The following ANXA2 variants were observed in gnomAD, a reference collection of about 807,000 sequenced individuals.
The protein encoded by ANXA2 is annexin II.
Under a neutral mutation model 47.3 loss-of-function variants are expected in ANXA2, and 28 were observed. The observed-to-expected ratio is 0.59, with a 90% CI of 0.44 to 0.81. The LOEUF (loss-of-function observed/expected upper bound fraction) is 0.81, where lower values mean the gene tolerates loss of function less well. Among genes scored for constraint, ANXA2 ranks in the 40% least tolerant of loss-of-function variants. The pLI, the probability that ANXA2 is intolerant of heterozygous loss-of-function variation, is 0.00. For synonymous variants in ANXA2, 172 were observed against 155.5 expected (o/e 1.11, Z -0.79); for missense variants, 384 against 414.3 (o/e 0.93, Z 0.64).
At chr15:60,363,471 T>C (rs1303361066) in intron 4 of ANXA2, among the ~76,000 whole-genome samples, 1 of 152,174 alleles carries the variant, frequency 6.6e-6, no homozygotes, top group African/African-American at 2.4e-5. Context: ...CCACTGTGGC[T>C]ACAAGTGAAA....
intron 3 of ANXA2, chr15:60,374,716 G>C (rs2062754744): frequency 2.2e-6 from 1 of 455,946 alleles, no homozygotes; most frequent in Non-Finnish European, 4.4e-6. Flanking sequence ...TCACTACAAA[G>C]AAAATCTGTG....
intron 3 of ANXA2, among the ~76,000 whole-genome samples, chr15:60,376,703 C>A (rs899158438): frequency 2.7e-4 from 41 of 152,180 alleles, no homozygotes; most frequent in African/African-American, 9.2e-4. Context: ...TCTGTGAGAA[C>A]AGCCTTCGTG....
intron 2 of ANXA2, chr15:60,383,972 C>G (rs1362735171): frequency 6.6e-6 from 1 of 152,154 alleles, no homozygotes; most frequent in Admixed American, 6.5e-5. Context: ...CAAATGTTTC[C>G]AAACGCACTT....
At chr15:60,375,104 G>C (rs2062759485) in intron 3 of ANXA2, among the ~76,000 whole-genome samples, 1 of 152,188 alleles carries the variant, frequency 6.6e-6, no homozygotes, top group African/African-American at 2.4e-5. Context: ...ATCCTGGCTT[G>C]TTCTGCAGTG....
intron 1 of ANXA2, chr15:60,386,797 A>G (rs953246523): frequency 6.6e-6 from 1 of 152,216 alleles, no homozygotes; most frequent in African/African-American, 2.4e-5. Flanking sequence ...GCAATCATAC[A>G]GTTCTCGGAA....
chr15:60,369,193 C>T (rs936619262), intron 3 of ANXA2, among the ~76,000 whole-genome samples: 3 of 152,132 alleles, frequency 2.0e-5, no homozygotes, highest in Admixed American at 1.3e-4. Context: ...CATTTAGGAA[C>T]GGGCAGAAGA....
Position 60,357,164 on chromosome 15 carries a change from T to C in ANXA2, c.430A>G (p.Asn144Asp). The part of the protein sequence containing the change: ...SRTNQELQEI[N>D]RVYKEMYKTD... The stretch of plus-strand genomic sequence containing the variant: ...TACTCACTTTCCTTGTAGACTCTGT[T>C]AATTTCCTGCAGCTCCTGGTTGGTT... Residue 144 changes from asparagine to aspartate, a missense_variant, in exon 6 of 13, where the codon AAC becomes GAC. Transcript: ENST00000451270. 6.2e-7 allele frequency: 1 copy of C among 1,614,152 alleles called. No homozygotes were observed. The highest frequency in any genetic ancestry group is 8.5e-7 in the Non-Finnish European group (1 of 1,180,008).
At chr15:60,391,506 T>C (rs1305339276) in intron 1 of ANXA2, among the ~76,000 whole-genome samples, 1 of 152,086 alleles carries the variant, frequency 6.6e-6, no homozygotes. Flanking sequence ...GAACCTAAAA[T>C]ATAAGTCTCT....
chr15:60,396,276 CAACCATTCCT>C (rs1328031046), intron 1 of ANXA2: 1 of 152,074 alleles, frequency 6.6e-6, no homozygotes, highest in East Asian at 1.9e-4. Context: ...TTAGGACCAC[CAACCATTCCT>C]AACTTAATGA....
intron 1 of ANXA2, among the ~76,000 whole-genome samples, chr15:60,388,726 C>T (rs543959187): frequency 1.1e-4 from 16 of 148,934 alleles, no homozygotes; most frequent in African/African-American, 3.9e-4. Flanking sequence ...TTAGCCACCA[C>T]ACCTAGACCT....
Position 60,360,976 on chromosome 15 carries a change from G to T in ANXA2, c.322C>A (p.Gln108Lys). ...GCTTTTAGCTCAGAAGCGTCATACTGAGCAGGTGTCTTCAATAGGCCCAAA... is the reference window on the plus strand; with the variant it reads ...GCTTTTAGCTCAGAAGCGTCATACTTAGCAGGTGTCTTCAATAGGCCCAAA... ...VILGLLKTPAQYDASELKASM... is the reference protein window; with the variant it reads ...VILGLLKTPAKYDASELKASM... Residue 108 changes from glutamine (Q) to lysine (K), a missense_variant, in exon 5 of 13, where the codon CAG becomes AAG. By Grantham distance (53) the Gln-to-Lys change is moderately conservative. Transcript: ENST00000451270. 1 of 1,613,210 alleles carries T rather than the reference G, an allele frequency of 6.2e-7. No homozygotes were observed. The highest frequency in any genetic ancestry group is 8.5e-7 in the Non-Finnish European group (1 of 1,179,172).
At chr15:60,348,786 C>G (rs888806976) in intron 12 of ANXA2, among the ~76,000 whole-genome samples, 3 of 151,784 alleles carry the variant, frequency 2.0e-5, no homozygotes, top group Non-Finnish European at 4.4e-5. Context: ...ATCTTCCAAG[C>G]CTCTTCGGGA....
intron 3 of ANXA2, among the ~76,000 whole-genome samples, chr15:60,377,676 C>T (rs1282615732): frequency 6.6e-6 from 1 of 152,064 alleles, no homozygotes. Context: ...AATAGCATTG[C>T]CACAAATCTT....
At chr15:60,384,381 C>T (rs540723570) in intron 2 of ANXA2, 1 of 152,248 alleles carries the variant, frequency 6.6e-6, no homozygotes, top group South Asian at 2.1e-4. Flanking sequence ...GAAATTAAAT[C>T]GAGAATTGAA....
chr15:60,358,545 T>C (rs944330906), intron 5 of ANXA2, among the ~76,000 whole-genome samples: 16 of 152,188 alleles, frequency 1.1e-4, no homozygotes, highest in African/African-American at 3.9e-4. Context: ...GAAAAAGTAG[T>C]TTGTATAATA....
At chr15:60,365,780 AT>A (rs1241278601) in intron 3 of ANXA2, among the ~76,000 whole-genome samples, 1 of 151,840 alleles carries the variant, frequency 6.6e-6, no homozygotes, top group Non-Finnish European at 1.5e-5. Context: ...TTTAGCTCTC[AT>A]TTTTAGAGTA....
intron 3 of ANXA2, among the ~76,000 whole-genome samples, chr15:60,370,312 G>A (rs983433781): frequency 2.0e-5 from 3 of 152,134 alleles, no homozygotes; most frequent in African/African-American, 4.8e-5. Flanking sequence ...AACCTCACCT[G>A]CATCAGCTAT....
chr15:60,381,946 A>G (rs2062865734), intron 3 of ANXA2, among the ~76,000 whole-genome samples: 2 of 146,296 alleles, frequency 1.4e-5, no homozygotes. Flanking sequence ...CCTTTTAACC[A>G]TTACTTGGTT....
chr15:60,389,377 T>C (rs1474435223), intron 1 of ANXA2, among the ~76,000 whole-genome samples: 1 of 152,186 alleles, frequency 6.6e-6, no homozygotes, highest in African/African-American at 2.4e-5. Context: ...AGAGGCACGG[T>C]AACTTTTCAT....
Sources: allele counts gnomAD v4.1 joint callset (sites outside exome capture counted in the v4.1 genomes callset), GRCh38; gene constraint gnomAD v4.1.1; transcripts MANE v1.5; gene names NCBI Gene and HGNC (gene_info 2026-07-23, HGNC 2026-07-21).